FPR3: variants seen among roughly 807,000 people sequenced by gnomAD.
FPR3 encodes the protein N-formyl peptide receptor 3.
For synonymous variants in FPR3, 135 were observed against 163.6 expected, an observed-to-expected ratio of 0.83 and a Z score of 1.34; for missense variants, 346 against 443.2, an observed-to-expected ratio of 0.78 and a Z score of 1.97.
chr19:51,798,917 A>G (rs1263354197), intron 1 of FPR3, among the ~76,000 whole-genome samples: 3 of 151,840 alleles, frequency 2.0e-5, no homozygotes, highest in Admixed American at 2.0e-4. Context: ...GGAGTTCGAG[A>G]CAGCCTGGCC....
At chr19:51,812,193 G>A (rs1383563537) in intron 1 of FPR3, among the ~76,000 whole-genome samples, 4 of 152,158 alleles carry the variant, frequency 2.6e-5, no homozygotes, top group African/African-American at 9.7e-5. Flanking sequence ...TTGATAAAAT[G>A]GGATCACTTA....
chr19:51,797,810 G>A (rs11667325), intron 1 of FPR3, among the ~76,000 whole-genome samples: 101,192 of 150,560 alleles, frequency 0.67, 34,197 homozygotes, highest in East Asian at 0.77. Context: ...ACACAGCCTG[G>A]TGAGGGCTAA....
rs1160675582 is a variant in FPR3 at position 51,826,110 on chromosome 19, A to T, written c.*1300A>T. ...GTGATCATATTATTTTTATTCTTTCATTTACATAATTATAAATTAGATTAA... is the reference window on the plus strand; with the variant it reads ...GTGATCATATTATTTTTATTCTTTCTTTTACATAATTATAAATTAGATTAA... On this transcript the variant is annotated 3_prime_UTR_variant, in exon 2 of 2. Transcript: ENST00000339223. 6.5e-6 allele frequency: 1 copy of T among 154,470 alleles called. No individual in the cohort carries two copies. Among genetic ancestry groups the T allele is most frequent in the Admixed American group, 6.6e-5 (1 of 15,258 alleles). 9.6% of individuals were successfully genotyped at this position (154,470 alleles called of 1,614,324 possible). A position where few individuals can be genotyped will look rare whatever the true frequency, so the allele number is the denominator to read the frequency against.
Position 51,823,739 on chromosome 19 carries a change from G to A in FPR3, c.-10G>A, listed in dbSNP as rs2084208060. ...AATGGCCATTGCTGAAATGTTTCAGGTGTGGGAAGATGGAAACCAACTTCT... is the reference window on the plus strand; with the variant it reads ...AATGGCCATTGCTGAAATGTTTCAGATGTGGGAAGATGGAAACCAACTTCT... On this transcript the variant is annotated splice_region_variant and 5_prime_UTR_variant, in exon 2 of 2. In the 5' UTR this introduces an upstream ATG that the reference lacks. Transcript: ENST00000339223. The A allele has an allele frequency of 1.3e-6, 2 of 1,568,158 alleles. No individual in the cohort carries two copies. Among genetic ancestry groups the A allele is most frequent in the Non-Finnish European group, 1.7e-6 (2 of 1,156,628 alleles).
At chr19:51,819,937 A>G (rs987838435) in intron 1 of FPR3, among the ~76,000 whole-genome samples, 1 of 152,228 alleles carries the variant, frequency 6.6e-6, no homozygotes, top group African/African-American at 2.4e-5. Flanking sequence ...TTTCTTGGGA[A>G]GACGAGAGAC....
At chr19:51,810,350 G>A (rs149597456) in intron 1 of FPR3, among the ~76,000 whole-genome samples, 51 of 152,294 alleles carry the variant, frequency 3.3e-4, no homozygotes, top group African/African-American at 1.1e-3. Flanking sequence ...TTCTGCAGCC[G>A]TGGTATGAGG....
At chr19:51,796,947 G>C (rs2084003158) in intron 1 of FPR3, among the ~76,000 whole-genome samples, 1 of 152,160 alleles carries the variant, frequency 6.6e-6, no homozygotes, top group Non-Finnish European at 1.5e-5. Flanking sequence ...TATAGAATGT[G>C]AGATACCCCA....
chr19:51,818,236 A>G (rs1279262327), intron 1 of FPR3, among the ~76,000 whole-genome samples: 1 of 152,222 alleles, frequency 6.6e-6, no homozygotes, highest in East Asian at 1.9e-4. Context: ...CTCATTAATA[A>G]TTTTTATTCT....
chr19:51,810,591 C>T (rs893860627), intron 1 of FPR3, among the ~76,000 whole-genome samples: 5 of 152,136 alleles, frequency 3.3e-5, no homozygotes, highest in South Asian at 2.1e-4. Flanking sequence ...GTAATGTCTC[C>T]GTGTCCAGCA....
intron 1 of FPR3, among the ~76,000 whole-genome samples, chr19:51,801,412 A>T (rs2084025954): frequency 6.6e-6 from 1 of 152,212 alleles, no homozygotes; most frequent in South Asian, 2.1e-4. Context: ...TTTTGTAGTA[A>T]AAGTTTATGT....
chr19:51,808,600 T>C (rs1472568243), intron 1 of FPR3, among the ~76,000 whole-genome samples: 1 of 152,174 alleles, frequency 6.6e-6, no homozygotes, highest in Admixed American at 6.5e-5. Context: ...TCTCTTTGAT[T>C]AATAGAAGGC....
At chr19:51,810,344 G>C (rs761456948) in intron 1 of FPR3, among the ~76,000 whole-genome samples, 1 of 152,178 alleles carries the variant, frequency 6.6e-6, no homozygotes, top group Non-Finnish European at 1.5e-5. Flanking sequence ...TAGCATTTCT[G>C]CAGCCGTGGT....
At position 51,824,564 on chromosome 19, in the gene FPR3, G is replaced by T. The variant is rs746862526; in HGVS notation, c.816G>T (p.Leu272Phe). ...TGGCAGTCTGGCTCAAAGAGATGTT[G>T]TTAAATGGCAAATACAAAATCATTC... ...ILMAVWLKEM[L>F]LNGKYKIILV... The change falls in exon 2 of 2, where the codon TTG (leucine) becomes TTT (phenylalanine). Residue 272 changes from leucine to phenylalanine, a missense_variant. Leu to Phe is a conservative substitution (Grantham distance 22). Coordinates refer to ENST00000339223, the MANE Select transcript of FPR3 (RefSeq NM_002030.5). This position sits in a 1 kb window ranked among gnomAD's most constrained non-coding sequence, Gnocchi z 4.7. The T allele has an allele frequency of 6.2e-7, 1 of 1,614,164 alleles. No individual in the cohort carries two copies. Among genetic ancestry groups the T allele is most frequent in the East Asian group, 2.2e-5 (1 of 44,880 alleles).
chr19:51,819,778 G>A (rs918193657), intron 1 of FPR3, among the ~76,000 whole-genome samples: 7 of 152,168 alleles, frequency 4.6e-5, no homozygotes, highest in African/African-American at 1.7e-4. Flanking sequence ...TAAAGAAATA[G>A]GGTTGAAGCT....
intron 1 of FPR3, among the ~76,000 whole-genome samples, chr19:51,808,594 T>C (rs570983724): frequency 5.1e-4 from 77 of 152,316 alleles, no homozygotes; most frequent in Non-Finnish European, 5.9e-5. Context: ...ACAGGTTCTC[T>C]TTGATTAATA....
intron 1 of FPR3, among the ~76,000 whole-genome samples, chr19:51,807,372 C>T (rs1315093519): frequency 2.0e-5 from 3 of 152,150 alleles, no homozygotes; most frequent in East Asian, 3.9e-4. Flanking sequence ...TTGGTGGCAG[C>T]GCAGTGTGAG....
intron 1 of FPR3, among the ~76,000 whole-genome samples, chr19:51,805,658 A>G (rs1041938299): frequency 6.6e-6 from 1 of 152,208 alleles, no homozygotes; most frequent in Admixed American, 6.5e-5. Context: ...TTTGTAACTC[A>G]GTGTTAATTT....
At chr19:51,811,120 G>A (rs1202143862) in intron 1 of FPR3, among the ~76,000 whole-genome samples, 1 of 152,148 alleles carries the variant, frequency 6.6e-6, no homozygotes, top group Non-Finnish European at 1.5e-5. Context: ...GAATAATAAG[G>A]AGATAATGGC....
intron 1 of FPR3, among the ~76,000 whole-genome samples, chr19:51,802,644 T>C (rs982757109): frequency 1.3e-5 from 2 of 152,098 alleles, no homozygotes; most frequent in Non-Finnish European, 2.9e-5. Flanking sequence ...TTGGATGAGA[T>C]AGTATATATT....
Sources: gnomAD v4.1 joint callset for allele counts (sites outside exome capture counted in the v4.1 genomes callset) on GRCh38, gnomAD v4.1.1 for gene constraint, Gnocchi (gnomAD v3.1) non-coding constraint, MANE v1.5 for transcripts, NCBI Gene and HGNC (gene_info 2026-07-23, HGNC 2026-07-21) for gene names.